SLCO1B3: variants seen among roughly 807,000 people sequenced by gnomAD.
SLCO1B3 encodes the protein solute carrier organic anion transporter family member 1B3.
Under a neutral mutation model 71.8 loss-of-function variants are expected in SLCO1B3, and 72 were observed. The ratio of observed to expected loss-of-function variants is 1.00; its 90% CI spans 0.83 to 1.22. The LOEUF (loss-of-function observed/expected upper bound fraction) is 1.22, where lower values mean the gene tolerates loss of function less well. SLCO1B3 is among the 50% of genes most tolerant of loss of function. The pLI, the probability that SLCO1B3 is intolerant of heterozygous loss-of-function variation, is 0.00. For synonymous variants in SLCO1B3, 298 were observed against 278.4 expected (o/e 1.07, Z -0.70); for missense variants, 911 against 819.7 (o/e 1.11, Z -1.36).
chr12:20,826,275 A>G (rs911855272), intron 3 of SLCO1B3, among the ~76,000 whole-genome samples: 1 of 152,160 alleles, frequency 6.6e-6, no homozygotes, highest in Admixed American at 6.5e-5. Context: ...CCTGAGGGAA[A>G]AAAATTACAG....
At chr12:20,840,248 T>C (rs1365455902) in intron 3 of SLCO1B3, among the ~76,000 whole-genome samples, 1 of 152,100 alleles carries the variant, frequency 6.6e-6, no homozygotes, top group Non-Finnish European at 1.5e-5. Flanking sequence ...ATGTATTGGA[T>C]AAAAACCTGC....
chr12:20,876,217 C>T (rs1278574419), intron 9 of SLCO1B3, among the ~76,000 whole-genome samples: 2 of 151,922 alleles, frequency 1.3e-5, no homozygotes, highest in Non-Finnish European at 2.9e-5. Flanking sequence ...GATAGTGGTG[C>T]CTCTGTCCAA....
chr12:20,910,734 A>G (rs1405535467), intron 15 of SLCO1B3, among the ~76,000 whole-genome samples: 2 of 152,054 alleles, frequency 1.3e-5, no homozygotes, highest in Non-Finnish European at 2.9e-5. Context: ...ATAGTAATGT[A>G]TTTTTAATTT....
At position 20,880,901 on chromosome 12, in the gene SLCO1B3, A is replaced by G. The variant is rs762425576; in HGVS notation, c.1378A>G (p.Asn460Asp). The G allele has an allele frequency of 6.2e-7, 1 of 1,610,938 alleles. No individual in the cohort carries two copies. Residue 460 changes from asparagine to aspartate, a missense_variant, in exon 12 of 16, where the codon AAC (asparagine) becomes GAC (aspartate). Asn to Asp is a conservative substitution (Grantham distance 23, BLOSUM62 1). Transcript: ENST00000381545. ...TGTAGATGTACCACTTTCTTATTGC[A>G]ACTCAGAGTGCAATTGTGATGAAAG... is the stretch of plus-strand genomic sequence containing the variant. ...SHVDVPLSYC[N>D]SECNCDESQW...
intron 14 of SLCO1B3, among the ~76,000 whole-genome samples, chr12:20,900,121 A>G (rs909425568): frequency 4.6e-5 from 7 of 151,628 alleles, no homozygotes; most frequent in Non-Finnish European, 7.4e-5. Flanking sequence ...GTTGGCATCT[A>G]TTTTTTTTTA....
chr12:20,860,510 A>G (rs537924233), intron 5 of SLCO1B3, among the ~76,000 whole-genome samples: 10 of 152,050 alleles, frequency 6.6e-5, no homozygotes, highest in Non-Finnish European at 8.8e-5. Context: ...TCCCTGATCC[A>G]GCTCCATCTC....
rs371430666 is a variant in SLCO1B3, at chr12:20,862,406, C to A, written c.482-6C>A. On this transcript the variant is annotated splice_region_variant and splice_polypyrimidine_tract_variant and intron_variant, in intron 6 of 15. Coordinates refer to ENST00000381545, the MANE Select transcript of SLCO1B3 (RefSeq NM_019844.4). Reference sequence around the variant, plus strand: ...TTTAAAGTAAAACACTCTCTTGTCTCGATAGATTGTGTAAAGGAATCTGGG... The same window carrying A: ...TTTAAAGTAAAACACTCTCTTGTCTAGATAGATTGTGTAAAGGAATCTGGG... 9.1e-5 allele frequency: 146 copies of A among 1,604,458 alleles called. No individual in the cohort carries two copies. The Middle Eastern group carries it at 1.8e-3, about 19-fold the overall frequency.
chr12:20,904,755 C>CTTTTTTTTTTTT (rs775996155), intron 15 of SLCO1B3, among the ~76,000 whole-genome samples: 2 of 56,114 alleles, frequency 3.6e-5, no homozygotes, highest in African/African-American at 8.9e-5. Flanking sequence ...GACATCCAGG[C>CTTTTTTTTTTTT]TTTTTTTTTT....
Position 20,837,570 on chromosome 12 carries a change from C to G in SLCO1B3, c.85-17458C>G, listed in dbSNP as rs75062112. Among the ~76,000 whole-genome samples the G allele has an allele frequency of 1.3e-4, 19 of 151,974 alleles. No individual in the cohort carries two copies. The East Asian group carries it at 3.7e-3, about 29-fold the overall frequency. The stretch of plus-strand genomic sequence containing the variant: ...AACTTATCTTGAGATTTCCTTTGAC[C>G]TAAATGTTACTTAAAAATGTGTTAC... On this transcript the variant is annotated intron_variant, in intron 3 of 15. Transcript: ENST00000381545.
At chr12:20,885,827 C>T (rs1407995306) in intron 13 of SLCO1B3, among the ~76,000 whole-genome samples, 1 of 151,956 alleles carries the variant, frequency 6.6e-6, no homozygotes, top group Admixed American at 6.6e-5. Flanking sequence ...GGAGCTTATT[C>T]TAAGTGTGTT....
intron 15 of SLCO1B3, among the ~76,000 whole-genome samples, chr12:20,912,683 G>A (rs7965180): frequency 6.6e-6 from 1 of 151,242 alleles, no homozygotes; most frequent in Non-Finnish European, 1.5e-5. Flanking sequence ...ACCCCCACAC[G>A]CAGCTAATTT....
At chr12:20,907,851 CAAAG>C (rs1268303578) in intron 15 of SLCO1B3, among the ~76,000 whole-genome samples, 1 of 151,956 alleles carries the variant, frequency 6.6e-6, no homozygotes, top group African/African-American at 2.4e-5. Context: ...AAAAAAATAA[CAAAG>C]AAAAACTTAA....
intron 11 of SLCO1B3, 68 bp downstream of exon 11, chr12:20,879,699 A>T (rs1865653685): frequency 9.6e-7 from 1 of 1,040,158 alleles, no homozygotes; most frequent in Non-Finnish European, 1.4e-6. Context: ...ATGTGCAAGT[A>T]AAATAAGGTA....
At chr12:20,855,294 A>G (rs969451182) in intron 4 of SLCO1B3, 125 bp downstream of exon 4, 11 of 774,320 alleles carry the variant, frequency 1.4e-5, no homozygotes, top group Admixed American at 2.8e-5. Context: ...CAATTTGGCA[A>G]TATGTTAGGA....
chr12:20,819,312 C>T (rs138504796), intron 3 of SLCO1B3, among the ~76,000 whole-genome samples: 301 of 152,126 alleles, frequency 2.0e-3, no homozygotes, highest in African/African-American at 6.3e-3. Flanking sequence ...AGAATTATGC[C>T]GAGATAGGTA....
chr12:20,866,775 T>G (rs1343531538), intron 8 of SLCO1B3, among the ~76,000 whole-genome samples: 17 of 151,992 alleles, frequency 1.1e-4, no homozygotes, highest in Non-Finnish European at 1.5e-5. Context: ...GGAAGATAAG[T>G]GAGTACCAGT....
At chr12:20,886,423 C>A (rs1373447818) in intron 13 of SLCO1B3, among the ~76,000 whole-genome samples, 1 of 151,920 alleles carries the variant, frequency 6.6e-6, no homozygotes, top group African/African-American at 2.4e-5. Context: ...ATCCTAGGAA[C>A]AACAGGCACT....
intron 13 of SLCO1B3, among the ~76,000 whole-genome samples, chr12:20,895,216 A>G (rs1865981118): frequency 6.6e-6 from 1 of 152,098 alleles, no homozygotes; most frequent in African/African-American, 2.4e-5. Context: ...TCATGTCCTC[A>G]CATTTCAATA....
At chr12:20,838,614 G>C (rs919177834) in intron 3 of SLCO1B3, among the ~76,000 whole-genome samples, 7 of 151,954 alleles carry the variant, frequency 4.6e-5, no homozygotes, top group African/African-American at 1.7e-4. Context: ...ATAGCCTATT[G>C]CTTTGAGGCT....
Sources: gnomAD v4.1 joint callset for allele counts (sites outside exome capture counted in the v4.1 genomes callset) on GRCh38, gnomAD v4.1.1 for gene constraint, MANE v1.5 for transcripts, NCBI Gene and HGNC (gene_info 2026-07-23, HGNC 2026-07-21) for gene names.